KCNH4: variants seen among roughly 807,000 people sequenced by gnomAD.
The protein encoded by KCNH4 is potassium voltage-gated channel subfamily H member 4.
Under a neutral mutation model 90.7 loss-of-function variants are expected in KCNH4, and 33 were observed. That is an observed-to-expected ratio of 0.36 (90% CI 0.28 to 0.49). The LOEUF (loss-of-function observed/expected upper bound fraction) is 0.49. Among genes scored for constraint, KCNH4 ranks in the 20% least tolerant of loss-of-function variants. The pLI, the probability that KCNH4 is intolerant of heterozygous loss-of-function variation, is 0.98. For missense variants in KCNH4, 1,044 were observed against 1,387.1 expected (o/e 0.75, Z 3.93); for synonymous variants, 551 against 581.7 (o/e 0.95, Z 0.76).
chr17:42,175,467 G>A, intron 6 of KCNH4, 112 bp downstream of exon 6: 5 of 1,210,340 alleles, frequency 4.1e-6, no homozygotes, highest in Non-Finnish European at 4.8e-6. Flanking sequence ...ATAAATATCT[G>A]CAGATGGATT....
At chr17:42,179,814 C>T (rs758365263) in intron 1 of KCNH4, among the ~76,000 whole-genome samples, 11 of 152,238 alleles carry the variant, frequency 7.2e-5, no homozygotes, top group East Asian at 1.9e-4. Flanking sequence ...GGGCATTGAG[C>T]GTATAGCTCC....
At chr17:42,175,372 G>C (rs1026934378) in intron 6 of KCNH4, among the ~76,000 whole-genome samples, 2 of 152,250 alleles carry the variant, frequency 1.3e-5, no homozygotes, top group African/African-American at 4.8e-5. Flanking sequence ...TTCCCTCAAA[G>C]ATTGTGAGCT....
chr17:42,177,973 T>A, intron 4 of KCNH4, 127 bp downstream of exon 4: 1 of 1,166,542 alleles, frequency 8.6e-7, no homozygotes, highest in African/African-American at 1.5e-5. Flanking sequence ...ATATGGGAAA[T>A]GGGTGGGCAG....
chr17:42,166,234 T>G, intron 10 of KCNH4, 63 bp downstream of exon 10: 4 of 1,513,822 alleles, frequency 2.6e-6, no homozygotes, highest in African/African-American at 1.4e-5. Flanking sequence ...CATTCCCAAG[T>G]CCTCAGTGGG....
At chr17:42,168,604 A>T (rs978006262) in intron 9 of KCNH4, among the ~76,000 whole-genome samples, 1 of 152,092 alleles carries the variant, frequency 6.6e-6, no homozygotes, top group Non-Finnish European at 1.5e-5. Context: ...AGAGCACACC[A>T]CTGCACTCCA....
At chr17:42,165,070 C>T (rs1448475977) in intron 11 of KCNH4, among the ~76,000 whole-genome samples, 1 of 151,378 alleles carries the variant, frequency 6.6e-6, no homozygotes, top group Non-Finnish European at 1.5e-5. Flanking sequence ...CGCGCCACTG[C>T]ACTCCAGCCT....
Position 42,180,753 on chromosome 17 carries a change from C to T in KCNH4, c.76+117G>A. ...CCGCGGCTTTGGGAGTTCCTAGACCCGCACCTCCATTCTCTCCCCTCGCCT... is the reference window on the plus strand; with the variant it reads ...CCGCGGCTTTGGGAGTTCCTAGACCTGCACCTCCATTCTCTCCCCTCGCCT... On this transcript the variant is annotated intron_variant, in intron 1 of 16. Transcript: ENST00000264661. The surrounding 1 kb of genome is among the most constrained non-coding windows in gnomAD (Gnocchi z 4.7). The T allele has an allele frequency of 9.4e-7, 1 of 1,059,002 alleles. No homozygotes were observed. Among genetic ancestry groups the T allele is most frequent in the South Asian group, 1.4e-5 (1 of 71,766 alleles). The allele number at this position is 1,059,002 out of a possible 1,614,324, so 65.6% of individuals were successfully genotyped here.
rs745574944 is a variant in KCNH4 at position 42,166,382 on chromosome 17, G to T, written c.1755C>A (p.Arg585=). 6.2e-7 allele frequency: 1 copy of T among 1,613,930 alleles called. No homozygotes were observed. The highest frequency in any genetic ancestry group is 1.1e-5 in the South Asian group (1 of 91,072). The part of the protein sequence containing the change: ...SFCAPGEYLL[R]RGDALQAHYY... ...AATGTGCCTGCAGGGCATCCCCACGGCGCAACAGGTACTCGCCCGGAGCGC... is the reference window on the plus strand; with the variant it reads ...AATGTGCCTGCAGGGCATCCCCACGTCGCAACAGGTACTCGCCCGGAGCGC... Residue 585 remains arginine (R), a synonymous_variant, in exon 10 of 17, where the codon CGC becomes CGA. Transcript: ENST00000264661.
At chr17:42,164,338 A>G (rs999771293) in intron 11 of KCNH4, among the ~76,000 whole-genome samples, 170 bp from the exon 12 acceptor site, 16 of 152,232 alleles carry the variant, frequency 1.1e-4, no homozygotes, top group Admixed American at 8.5e-4. Context: ...TCAAAGTGAG[A>G]CTGAAAAGCA....
At chr17:42,170,039 G>C in intron 8 of KCNH4, 68 bp downstream of exon 8, 2 of 1,466,468 alleles carry the variant, frequency 1.4e-6, no homozygotes, top group Non-Finnish European at 1.8e-6. Context: ...GCCCTCTCTG[G>C]GCCTCAGTTT....
chr17:42,162,553 G>C (rs1303176299), intron 14 of KCNH4, among the ~76,000 whole-genome samples: 1 of 151,878 alleles, frequency 6.6e-6, no homozygotes, highest in Non-Finnish European at 1.5e-5. Context: ...TTTGGTGTCT[G>C]AACACAGCAT....
At position 42,163,249 on chromosome 17, in the gene KCNH4, G is replaced by A. The variant is rs752047908; in HGVS notation, c.2563C>T (p.Arg855Cys). The A allele has an allele frequency of 1.4e-5, 22 of 1,613,580 alleles. No homozygotes were observed. The highest frequency in any genetic ancestry group is 2.2e-5 in the East Asian group (1 of 44,888). ...FSRRPELPRP[R>C]SQAPPTGTRP... Reference sequence around the variant, plus strand: ...TTACCTGTAGGGGGCGCCTGGGAGCGGGGCCTTGGCAGTTCAGGCCTCCTG... The same window carrying A: ...TTACCTGTAGGGGGCGCCTGGGAGCAGGGCCTTGGCAGTTCAGGCCTCCTG... Residue 855 changes from arginine to cysteine, a missense_variant, in exon 14 of 17, where the codon CGC becomes TGC. By Grantham distance (180) the Arg-to-Cys change is radical. Around this residue, in one of 4 missense-constraint regions of KCNH4, gnomAD observed 441 missense variants for 512.3 expected, o/e 0.86. Coordinates refer to ENST00000264661, the MANE Select transcript of KCNH4 (RefSeq NM_012285.3). The surrounding 1 kb of genome is among the most constrained non-coding windows in gnomAD (Gnocchi z 5.4).
In KCNH4 at chr17:42,169,519, G is replaced by A. The variant is rs2079811535; in HGVS notation, c.1548C>T (p.Phe516=). 3 of 1,613,402 alleles carry A rather than the reference G, an allele frequency of 1.9e-6. 1 individual carries two copies. The East Asian group carries it at 6.7e-5, about 36-fold the overall frequency. ...RPLKQRMLEY[F]QTTWAVNSGI... is the part of the protein sequence containing the mutation. ...CGCTGTTGACGGCCCACGTGGTCTG[G>A]AAGTATTCGAGCATGCGCTGCTTGA... The change falls in exon 9 of 17, where the codon TTC becomes TTT. Residue 516 remains phenylalanine, a synonymous_variant. Transcript: ENST00000264661.
chr17:42,165,343 C>T lies in KCNH4; in HGVS notation c.2085+106G>A, dbSNP rs28463328. 10,083 of 1,413,436 alleles carry T rather than the reference C, an allele frequency of 7.1e-3. 594 individuals are homozygous for T. In the African/African-American group the frequency reaches 0.13, roughly 18 times the overall value. The allele number at this position is 1,413,436 out of a possible 1,614,324, so 87.6% of individuals were successfully genotyped here. On this transcript the variant is annotated intron_variant, in intron 11 of 16. Coordinates refer to ENST00000264661, the MANE Select transcript of KCNH4 (RefSeq NM_012285.3). ...TGGAGGAGGGTGCCTGGGCTTCAGG[C>T]ATGTGTTTTTAGGGTGGAGGGAGGT...
At chr17:42,159,087 G>A (rs752317170) in intron 16 of KCNH4, among the ~76,000 whole-genome samples, 7 of 151,908 alleles carry the variant, frequency 4.6e-5, no homozygotes, top group Non-Finnish European at 8.8e-5. Flanking sequence ...GAGTGCAGTG[G>A]TGCGATCTTG....
rs765125891 is a variant in KCNH4, at chr17:42,178,809, G to A, written c.294C>T (p.Cys98=). 3 of 1,613,450 alleles carry A rather than the reference G, an allele frequency of 1.9e-6. No individual in the cohort carries two copies. The Admixed American group carries it at 5.0e-5, about 27-fold the overall frequency. The change falls in exon 2 of 17, where the codon TGC becomes TGT. Residue 98 remains cysteine, a synonymous_variant. Transcript: ENST00000264661. ...EGHQEHRAEI[C]FYRKDGSAFW... is the part of the protein sequence containing the mutation. ...CCCCCTCACCATCCTTGCGGTAGAAGCAGATTTCAGCCCGGTGCTCCTGGT... is the reference window on the plus strand; with the variant it reads ...CCCCCTCACCATCCTTGCGGTAGAAACAGATTTCAGCCCGGTGCTCCTGGT...
rs369870132 is a variant in KCNH4, at chr17:42,163,351, G to A, written c.2478-17C>T. On this transcript the variant is annotated splice_polypyrimidine_tract_variant and intron_variant, in intron 13 of 16. Coordinates refer to ENST00000264661, the MANE Select transcript of KCNH4 (RefSeq NM_012285.3). The surrounding 1 kb of genome is among the most constrained non-coding windows in gnomAD (Gnocchi z 5.4). ...TCCACTATCCTGGGAACAGGGCAGT[G>A]CTCATCAGCACCATGGGGTGAGGGT... The A allele has an allele frequency of 3.2e-6, 5 of 1,578,334 alleles. No individual in the cohort carries two copies. In the African/African-American group the frequency reaches 6.7e-5, roughly 21 times the overall value.
intron 15 of KCNH4, among the ~76,000 whole-genome samples, chr17:42,160,778 C>T (rs1251094871): frequency 6.6e-6 from 1 of 152,230 alleles, no homozygotes; most frequent in African/African-American, 2.4e-5. Flanking sequence ...TCTATCAGTG[C>T]TTTTCACACT....
intron 12 of KCNH4, 79 bp downstream of exon 12, chr17:42,164,051 T>A (rs1461277295): frequency 6.6e-7 from 1 of 1,516,998 alleles, no homozygotes; most frequent in Non-Finnish European, 8.9e-7. Flanking sequence ...CAGCTCCCCA[T>A]CCATGGAAAG....
Sources: allele counts gnomAD v4.1 joint callset (sites outside exome capture counted in the v4.1 genomes callset), GRCh38; gene constraint gnomAD v4.1.1; regional missense constraint gnomAD v4.1.1; non-coding constraint Gnocchi (gnomAD v3.1); transcripts MANE v1.5; gene names NCBI Gene and HGNC (gene_info 2026-07-23, HGNC 2026-07-21).